Variants in RIF1 observed in about 807,000 individuals in gnomAD.
RIF1 encodes the protein telomere-associated protein RIF1.
Under a neutral mutation model 247.1 loss-of-function variants are expected in RIF1, and 45 were observed. The ratio of observed to expected loss-of-function variants is 0.18; its 90% CI spans 0.14 to 0.23. RIF1 has a LOEUF of 0.23. RIF1 is among the 10% of genes least tolerant of loss of function. RIF1 has a pLI of 1.00. For missense variants in RIF1, 2,967 were observed against 2,862.5 expected (o/e 1.04, Z -0.83); for synonymous variants, 1,087 against 978.8 (o/e 1.11, Z -2.06).
the RIF1 span, chr2:151,529,289 C>A: frequency 4.3e-6 from 7 of 1,612,400 alleles, no homozygotes; most frequent in Non-Finnish European, 5.9e-6. Flanking sequence ...GGATTTATTT[C>A]TTTGGTATAC....
At chr2:151,437,100 A>G in intron 12 of RIF1, 97 bp downstream of exon 12, 1 of 1,271,420 alleles carries the variant, frequency 7.9e-7, no homozygotes, top group Non-Finnish European at 1.1e-6. Flanking sequence ...CAGCCAAAAT[A>G]TTTTACAGTT....
At position 151,462,466 on chromosome 2, in the gene RIF1, G is replaced by A. The variant is rs1469565742; in HGVS notation, c.3363G>A (p.Thr1121=). The change falls in exon 29 of 36, where the codon ACG becomes ACA. Residue 1121 remains threonine, a splice_region_variant and synonymous_variant. Transcript: ENST00000444746. ...KPKEDSKMMI[T]EEQMDSDIVI... ...AGGAGGATTCTAAGATGATGATTAC[G>A]GTATGTTTGACATTTCATATTTTGG... 6.4e-6 allele frequency: 10 copies of A among 1,554,690 alleles called. No homozygotes were observed. Among genetic ancestry groups the A allele is most frequent in the South Asian group, 3.8e-5 (3 of 79,280 alleles).
At chr2:151,508,674 C>T (rs915601899), downstream of RIF1, among the ~76,000 whole-genome samples, 45 of 152,246 alleles carry the variant, frequency 3.0e-4, no homozygotes, top group African/African-American at 1.1e-3. Context: ...GCTCTTGATG[C>T]TGCAGAAAGC....
intron 8 of RIF1, among the ~76,000 whole-genome samples, chr2:151,427,800 C>T (rs1350092171): frequency 6.6e-6 from 1 of 151,852 alleles, no homozygotes; most frequent in Non-Finnish European, 1.5e-5. Context: ...CATGGTGGCT[C>T]ACGCCTGTAA....
At position 151,464,162 on chromosome 2, in the gene RIF1, A is replaced by G. The variant is rs769440246; in HGVS notation, c.4642A>G (p.Ser1548Gly). The G allele has an allele frequency of 2.1e-5, 34 of 1,609,704 alleles. No individual in the cohort carries two copies. The highest frequency in any genetic ancestry group is 2.9e-5 in the Non-Finnish European group (34 of 1,179,016). The change falls in exon 30 of 36, where the codon AGC (serine) becomes GGC (glycine). Residue 1548 changes from serine to glycine, a missense_variant. Physicochemically the swap from Ser to Gly is moderately conservative, Grantham distance 56. This residue lies in a region of RIF1 where 2,028 missense variants were observed against 1,825.6 expected (regional missense o/e 1.11). Transcript: ENST00000444746. ...AAGAGCATCTCAGGGTTTGCTTTCCAGCATTGAAAACTCAGAATCTGATAG... is the reference window on the plus strand; with the variant it reads ...AAGAGCATCTCAGGGTTTGCTTTCCGGCATTGAAAACTCAGAATCTGATAG... ...TRRASQGLLS[S>G]IENSESDSSE...
chr2:151,450,613 C>G lies in RIF1; in HGVS notation c.2245-993C>G, dbSNP rs371897091. Among the ~76,000 whole-genome samples, 43 of 151,472 alleles carry G rather than the reference C, an allele frequency of 2.8e-4. No individual in the cohort carries two copies. In the South Asian group the frequency reaches 7.5e-3, roughly 26 times the overall value. Reference sequence around the variant, plus strand: ...TTCTTTCTTTTTTTTTTTGACGGAGCCTCGCTCTGTCGCAGGCTGGCGTGC... The same window carrying G: ...TTCTTTCTTTTTTTTTTTGACGGAGGCTCGCTCTGTCGCAGGCTGGCGTGC... On this transcript the variant is annotated intron_variant, in intron 20 of 35. Transcript: ENST00000444746.
chr2:151,529,008 C>T, the RIF1 span, among the ~76,000 whole-genome samples: 9 of 152,206 alleles, frequency 5.9e-5, no homozygotes, highest in African/African-American at 1.7e-4. Context: ...GATGAAGCTT[C>T]CTTTGCTCTT....
chr2:151,463,999 T>C lies in RIF1; in HGVS notation c.4479T>C (p.Thr1493=). Residue 1493 remains threonine, a synonymous_variant, in exon 30 of 36, where the codon ACT becomes ACC. Transcript: ENST00000444746. ...TACATGAGAAGACTCTTGGGGAAAC[T>C]AGTGCTAATGCAGAAACTGAACAAA... ...SNLHEKTLGE[T]SANAETEQNK... is the part of the protein sequence containing the mutation. 2 of 1,608,548 alleles carry C rather than the reference T, an allele frequency of 1.2e-6. No individual in the cohort carries two copies. Among genetic ancestry groups the C allele is most frequent in the Non-Finnish European group, 1.7e-6 (2 of 1,178,708 alleles).
intron 10 of RIF1, chr2:151,497,687 G>T: frequency 6.3e-7 from 1 of 1,583,226 alleles, no homozygotes; most frequent in South Asian, 1.2e-5. Context: ...AGGTAAAGGG[G>T]TTCCCTTGCC....
intron 34 of RIF1, among the ~76,000 whole-genome samples, chr2:151,471,606 A>G (rs373401654): frequency 6.6e-6 from 1 of 151,924 alleles, no homozygotes; most frequent in Non-Finnish European, 1.5e-5. Flanking sequence ...AGTTTTCCCA[A>G]CACCATTTAT....
the RIF1 span, chr2:151,514,832 T>C: frequency 3.2e-6 from 5 of 1,575,896 alleles, no homozygotes; most frequent in Admixed American, 1.8e-5. Flanking sequence ...CTTGCTATTT[T>C]AGTTGCATAT....
chr2:151,459,188 G>A (rs2152477113), intron 25 of RIF1, among the ~76,000 whole-genome samples: 1 of 152,192 alleles, frequency 6.6e-6, no homozygotes, highest in African/African-American at 2.4e-5. Context: ...TGGAAAAACT[G>A]GAAATAATGG....
At chr2:151,414,976 A>T in intron 4 of RIF1, 57 bp downstream of exon 4, 2 of 1,109,832 alleles carry the variant, frequency 1.8e-6, no homozygotes, top group Non-Finnish European at 2.7e-6. Context: ...AGTTTTAAGT[A>T]TAAGTAGTTT....
In RIF1 at chr2:151,409,911, C is replaced by T. The variant is rs984240716; in HGVS notation, c.-133C>T. On this transcript the variant is annotated 5_prime_UTR_variant, in exon 1 of 36. Transcript: ENST00000444746. ...ACTCCTGGGCCCGCCCAGCCGCCAT[C>T]TTGGTCTAGGAGGGAGCGCGCCGCA... 7.1e-6 allele frequency: 5 copies of T among 699,488 alleles called. No homozygotes were observed. The highest frequency in any genetic ancestry group is 3.0e-5 in the South Asian group (2 of 66,736). 43.3% of individuals were successfully genotyped at this position (699,488 alleles called of 1,614,324 possible). A position where few individuals can be genotyped will look rare whatever the true frequency, so the allele number is the denominator to read the frequency against.
chr2:151,453,932 GA>G (rs1246137281), intron 21 of RIF1, among the ~76,000 whole-genome samples: 1 of 152,086 alleles, frequency 6.6e-6, no homozygotes, highest in Non-Finnish European at 1.5e-5. Flanking sequence ...CTCTAATAGT[GA>G]GAAACCTGGT....
In RIF1 at chr2:151,465,639, A is replaced by C. The variant is rs768116540; in HGVS notation, c.6119A>C (p.Glu2040Ala). The change falls in exon 30 of 36, where the codon GAG becomes GCG. Residue 2040 changes from glutamate to alanine, a missense_variant. Coordinates refer to ENST00000444746, the MANE Select transcript of RIF1 (RefSeq NM_018151.5). ...MAETGHDGETENEGITTKTSK... is the reference protein window; with the variant it reads ...MAETGHDGETANEGITTKTSK... The stretch of plus-strand genomic sequence containing the variant: ...GAAACTGGCCATGATGGTGAAACAG[A>C]GAATGAGGGCATAACTACCAAAACC... 1.7e-5 allele frequency: 27 copies of C among 1,614,026 alleles called. No individual in the cohort carries two copies. The highest frequency in any genetic ancestry group is 1.9e-5 in the Non-Finnish European group (23 of 1,180,014).
At chr2:151,437,040 A>C (rs1691351914) in intron 12 of RIF1, 37 bp downstream of exon 12, 1 of 1,561,596 alleles carries the variant, frequency 6.4e-7, no homozygotes, top group Non-Finnish European at 8.7e-7. Flanking sequence ...TAATTACTAA[A>C]ACAGTCTAGG....
chr2:151,441,832 T>C (rs1373963962), intron 15 of RIF1, 73 bp from the exon 16 acceptor site: 9 of 650,686 alleles, frequency 1.4e-5, no homozygotes, highest in East Asian at 1.3e-4. Context: ...GTTAGAGATA[T>C]AGTTAACACT....
the RIF1 span, chr2:151,526,286 T>C: frequency 1.3e-5 from 19 of 1,482,574 alleles, no homozygotes; most frequent in African/African-American, 1.8e-4. Flanking sequence ...AAAAGGGGCA[T>C]TTCTTTAGCT....
Sources: gnomAD v4.1 joint callset for allele counts (sites outside exome capture counted in the v4.1 genomes callset) on GRCh38, gnomAD v4.1.1 for gene constraint, gnomAD v4.1.1 regional missense constraint, MANE v1.5 for transcripts, NCBI Gene and HGNC (gene_info 2026-07-23, HGNC 2026-07-21) for gene names.